Variants in ADAM22 observed in about 807,000 individuals in gnomAD.
The protein encoded by ADAM22 is ADAM metallopeptidase domain 22.
ADAM22 carries 65 observed loss-of-function variants against 144.6 expected under a neutral mutation model. The ratio of observed to expected loss-of-function variants is 0.45; its 90% CI spans 0.37 to 0.55. The LOEUF (loss-of-function observed/expected upper bound fraction) is 0.55, where lower values mean the gene tolerates loss of function less well. ADAM22 is among the 20% of genes least tolerant of loss of function. The pLI, the probability that ADAM22 is intolerant of heterozygous loss-of-function variation, is 0.00. For synonymous variants in ADAM22, 391 were observed against 412.6 expected (o/e 0.95, Z 0.63); for missense variants, 974 against 1,184.9 (o/e 0.82, Z 2.61).
intron 3 of ADAM22, among the ~76,000 whole-genome samples, chr7:88,075,105 T>G (rs985156417): frequency 6.6e-6 from 1 of 152,210 alleles, no homozygotes; most frequent in Non-Finnish European, 1.5e-5. Context: ...AAATGTTGTT[T>G]AGGATTGATT....
Position 88,193,090 on chromosome 7 carries a change from C to A in ADAM22, c.2751-26C>A, listed in dbSNP as rs367802568. On this transcript the variant is annotated intron_variant, in intron 30 of 31. Coordinates refer to ENST00000413139, the MANE Select transcript of ADAM22 (RefSeq NM_001324418.2). The stretch of plus-strand genomic sequence containing the variant: ...AAAAATGTTAGGCAATCACATGATA[C>A]TTAATTCATGTTCTCAACATCTCAG... 336 of 1,613,362 alleles carry A rather than the reference C, an allele frequency of 2.1e-4. No individual in the cohort carries two copies. The African/African-American group carries it at 4.2e-3, about 20-fold the overall frequency.
chr7:88,061,132 GAT>G (rs1809740738), intron 3 of ADAM22, among the ~76,000 whole-genome samples: 1 of 151,968 alleles, frequency 6.6e-6, no homozygotes, highest in Non-Finnish European at 1.5e-5. Flanking sequence ...CCTCCATCCA[GAT>G]TTGATCATGA....
chr7:88,025,979 C>T (rs946425565), intron 3 of ADAM22, among the ~76,000 whole-genome samples: 5 of 151,874 alleles, frequency 3.3e-5, no homozygotes, highest in African/African-American at 1.2e-4. Flanking sequence ...TTAACAATAT[C>T]TTTTCATTTT....
In ADAM22 at chr7:88,113,723, TA is replaced by T. The variant is rs1161761093; in HGVS notation, c.474-860del. Among the ~76,000 whole-genome samples, 145 of 118,626 alleles carry T rather than the reference TA, an allele frequency of 1.2e-3. 2 individuals are homozygous for T. Among genetic ancestry groups the T allele is most frequent in the African/African-American group, 4.7e-3 (137 of 29,358 alleles). The allele number at this position is 118,626 out of a possible 152,430, so 77.8% of individuals were successfully genotyped here. Reference sequence around the variant, plus strand: ...AAATAAATATATATATATATATATATATATATATATATATATAGTAAGTCCT... The same window carrying T: ...AAATAAATATATATATATATATATATTATATATATATATATAGTAAGTCCT... On this transcript the variant is annotated intron_variant, in intron 5 of 31. Transcript: ENST00000413139.
In ADAM22 at chr7:87,954,591, C is replaced by T. The variant is rs558629978; in HGVS notation, c.246+19405C>T. Among the ~76,000 whole-genome samples, 3 of 152,220 alleles carry T rather than the reference C, an allele frequency of 2.0e-5. No individual in the cohort carries two copies. The South Asian group carries it at 6.2e-4, about 32-fold the overall frequency. On this transcript the variant is annotated intron_variant, in intron 2 of 31. Coordinates refer to ENST00000413139, the MANE Select transcript of ADAM22 (RefSeq NM_001324418.2). ...GCCCTTAACATTTTTTCCTTCATTT[C>T]AACTTTGGTGAATCTGACAATTATG...
At chr7:88,108,108 T>G (rs1003844237) in intron 4 of ADAM22, 68 bp from the exon 5 acceptor site, 25 of 1,303,174 alleles carry the variant, frequency 1.9e-5, no homozygotes, top group East Asian at 1.2e-4. Context: ...AGTAGAAACC[T>G]CCTGTGAAAT....
chr7:88,046,929 G>A (rs1343422299), intron 3 of ADAM22, among the ~76,000 whole-genome samples: 1 of 151,592 alleles, frequency 6.6e-6, no homozygotes. Context: ...ATTAATAGTG[G>A]AATGTGGTTG....
At position 87,950,735 on chromosome 7, in the gene ADAM22, A is replaced by G. The variant is rs1367303407; in HGVS notation, c.246+15549A>G. 2.0e-5 allele frequency among the ~76,000 whole-genome samples: 3 copies of G among 148,394 alleles called. No individual in the cohort carries two copies. In the East Asian group the frequency reaches 6.0e-4, roughly 29 times the overall value. On this transcript the variant is annotated intron_variant, in intron 2 of 31. Coordinates refer to ENST00000413139, the MANE Select transcript of ADAM22 (RefSeq NM_001324418.2). ...CCACACTGACTTCCACAATGGTTGAACTAGTTTACAGTCCCACCAACAGTG... is the reference window on the plus strand; with the variant it reads ...CCACACTGACTTCCACAATGGTTGAGCTAGTTTACAGTCCCACCAACAGTG...
At chr7:87,995,124 C>T (rs1790840368) in intron 3 of ADAM22, among the ~76,000 whole-genome samples, 1 of 152,180 alleles carries the variant, frequency 6.6e-6, no homozygotes, top group Non-Finnish European at 1.5e-5. Context: ...ACTGGTAACA[C>T]ATAGCTATGG....
chr7:88,099,350 C>G (rs1171684340), intron 4 of ADAM22, among the ~76,000 whole-genome samples: 1 of 152,138 alleles, frequency 6.6e-6, no homozygotes, highest in Non-Finnish European at 1.5e-5. Context: ...ATTTTCTTAC[C>G]CTGGTATCTT....
At chr7:88,089,097 C>G (rs1465483636) in intron 4 of ADAM22, among the ~76,000 whole-genome samples, 1 of 151,940 alleles carries the variant, frequency 6.6e-6, no homozygotes, top group Non-Finnish European at 1.5e-5. Flanking sequence ...AGCTATTAAA[C>G]TGTCAAAGTG....
chr7:88,164,635 C>G (rs924428416), intron 23 of ADAM22, among the ~76,000 whole-genome samples: 1 of 152,000 alleles, frequency 6.6e-6, no homozygotes, highest in Non-Finnish European at 1.5e-5. Context: ...CTTTGTGACT[C>G]AATTTCTTCC....
chr7:88,051,334 A>T (rs1806279244), intron 3 of ADAM22, among the ~76,000 whole-genome samples: 1 of 152,226 alleles, frequency 6.6e-6, no homozygotes, highest in African/African-American at 2.4e-5. Context: ...GGATTAAGAA[A>T]ATGTGGCACA....
Position 88,132,968 on chromosome 7 carries a change from G to A in ADAM22, c.1077+17G>A, listed in dbSNP as rs763343406. Reference sequence around the variant, plus strand: ...GTGAATGAAGTAGGTGTGAACATCTGTACAATACAAAGTGGTATGATGGCT... The same window carrying A: ...GTGAATGAAGTAGGTGTGAACATCTATACAATACAAAGTGGTATGATGGCT... On this transcript the variant is annotated intron_variant, in intron 12 of 31. Transcript: ENST00000413139. 28 of 1,610,280 alleles carry A rather than the reference G, an allele frequency of 1.7e-5. No homozygotes were observed. In the South Asian group the frequency reaches 3.0e-4, roughly 17 times the overall value.
chr7:88,179,384 TG>T (rs1846425664), intron 27 of ADAM22, among the ~76,000 whole-genome samples: 1 of 152,068 alleles, frequency 6.6e-6, no homozygotes, highest in Non-Finnish European at 1.5e-5. Context: ...ATGTCATGTT[TG>T]GTAGTCAAAG....
rs986497548 is a variant in ADAM22 at position 88,192,299 on chromosome 7, G to A, written c.2751-817G>A. 2.0e-5 allele frequency among the ~76,000 whole-genome samples: 3 copies of A among 152,144 alleles called. No individual in the cohort carries two copies. The East Asian group carries it at 5.8e-4, about 29-fold the overall frequency. On this transcript the variant is annotated intron_variant, in intron 30 of 31. Transcript: ENST00000413139. ...ACAGTTATCACATCTGTTTTTCATTGATATCTTATGAGCAGACATTTTTTA... is the reference window on the plus strand; with the variant it reads ...ACAGTTATCACATCTGTTTTTCATTAATATCTTATGAGCAGACATTTTTTA...
At chr7:87,983,864 C>G (rs1854306227) in intron 3 of ADAM22, among the ~76,000 whole-genome samples, 1 of 152,072 alleles carries the variant, frequency 6.6e-6, no homozygotes, top group Non-Finnish European at 1.5e-5. Context: ...TTTTTCTAGT[C>G]AGTTAAAGCT....
chr7:87,945,578 T>A (rs1259573804), intron 2 of ADAM22, among the ~76,000 whole-genome samples: 3 of 151,252 alleles, frequency 2.0e-5, no homozygotes, highest in Non-Finnish European at 4.4e-5. Flanking sequence ...AGTGGTGCCA[T>A]CTCAGCTCAC....
At chr7:88,009,124 A>G (rs1046945164) in intron 3 of ADAM22, among the ~76,000 whole-genome samples, 2 of 152,112 alleles carry the variant, frequency 1.3e-5, no homozygotes, top group African/African-American at 2.4e-5. Flanking sequence ...GCAGTCTAAG[A>G]TTTTATGGCA....
Sources: allele counts gnomAD v4.1 joint callset (sites outside exome capture counted in the v4.1 genomes callset), GRCh38; gene constraint gnomAD v4.1.1; transcripts MANE v1.5; gene names NCBI Gene and HGNC (gene_info 2026-07-23, HGNC 2026-07-21).